The following UBE2E2 variants were observed in gnomAD, a reference collection of about 807,000 sequenced individuals.
UBE2E2 encodes ubiquitin conjugating enzyme E2 E2.
A neutral mutation model predicts 24.7 loss-of-function variants in UBE2E2; 6 were observed. That is an observed-to-expected ratio of 0.24 (90% CI 0.13 to 0.48). The LOEUF is 0.48. Among genes scored for constraint, UBE2E2 ranks in the 20% least tolerant of loss-of-function variants. The pLI, the probability that UBE2E2 is intolerant of heterozygous loss-of-function variation, is 0.99. For missense variants in UBE2E2, 169 were observed against 245.0 expected, an observed-to-expected ratio of 0.69 and a Z score of 2.07; for synonymous variants, 104 against 83.6, an observed-to-expected ratio of 1.24 and a Z score of -1.33.
intron 3 of UBE2E2, among the ~76,000 whole-genome samples, chr3:23,451,234 A>ATT (rs1269200067): frequency 6.6e-6 from 1 of 152,002 alleles, no homozygotes; most frequent in African/African-American, 2.4e-5. Context: ...CAAATAAATA[A>ATT]TTTTTTTTGA....
intron 3 of UBE2E2, among the ~76,000 whole-genome samples, chr3:23,399,738 C>T (rs1180827894): frequency 2.6e-5 from 4 of 152,108 alleles, no homozygotes; most frequent in Non-Finnish European, 4.4e-5. Context: ...TTTACAAAAT[C>T]GTATGGACAA....
chr3:23,283,123 G>A (rs772819970), intron 3 of UBE2E2, among the ~76,000 whole-genome samples: 1 of 152,150 alleles, frequency 6.6e-6, no homozygotes, highest in Admixed American at 6.5e-5. Flanking sequence ...CTAAGGAGAA[G>A]TTGATAAATG....
chr3:23,549,482 G>A (rs1397955300), intron 5 of UBE2E2, among the ~76,000 whole-genome samples: 1 of 152,156 alleles, frequency 6.6e-6, no homozygotes, highest in African/African-American at 2.4e-5. Context: ...GAGTTTTGAA[G>A]CTGTCAAGAA....
At chr3:23,413,752 T>A (rs914961260) in intron 3 of UBE2E2, among the ~76,000 whole-genome samples, 2 of 152,144 alleles carry the variant, frequency 1.3e-5, no homozygotes, top group Non-Finnish European at 2.9e-5. Context: ...CTCTAGGCCC[T>A]AATACACGGT....
At chr3:23,228,520 A>G (rs1034501472) in intron 3 of UBE2E2, among the ~76,000 whole-genome samples, 15 of 152,284 alleles carry the variant, frequency 9.9e-5, no homozygotes, top group African/African-American at 3.6e-4. Context: ...CATGTATCCA[A>G]ATTTCTTTAC....
intron 4 of UBE2E2, among the ~76,000 whole-genome samples, chr3:23,523,259 A>G (rs577752834): frequency 5.9e-5 from 9 of 152,338 alleles, no homozygotes; most frequent in Non-Finnish European, 7.4e-5. Context: ...AATTTGCTGT[A>G]TTGTAGGAAA....
intron 3 of UBE2E2, among the ~76,000 whole-genome samples, chr3:23,398,794 T>C (rs1352417859): frequency 1.3e-5 from 2 of 152,194 alleles, no homozygotes; most frequent in African/African-American, 4.8e-5. Flanking sequence ...TCTTATTTCT[T>C]TATAATGATC....
chr3:23,349,992 G>C (rs1006327300), intron 3 of UBE2E2, among the ~76,000 whole-genome samples: 15 of 152,186 alleles, frequency 9.9e-5, no homozygotes, highest in African/African-American at 3.6e-4. Flanking sequence ...CCCCCAGTAG[G>C]GGCACACTGA....
chr3:23,294,252 A>C (rs954258879), intron 3 of UBE2E2, among the ~76,000 whole-genome samples: 2 of 152,218 alleles, frequency 1.3e-5, no homozygotes, highest in South Asian at 2.1e-4. Flanking sequence ...ATAAAAAGCA[A>C]TTCTCACCTA....
At chr3:23,231,042 T>C (rs1662110978) in intron 3 of UBE2E2, among the ~76,000 whole-genome samples, 2 of 152,186 alleles carry the variant, frequency 1.3e-5, no homozygotes, top group African/African-American at 4.8e-5. Flanking sequence ...ATGAGAGCTC[T>C]ACCTTTAGAG....
intron 3 of UBE2E2, among the ~76,000 whole-genome samples, chr3:23,288,381 G>A (rs546073316): frequency 2.0e-5 from 3 of 152,270 alleles, no homozygotes; most frequent in East Asian, 3.9e-4. Flanking sequence ...AGAAAAATGT[G>A]TATTCTGCAG....
At chr3:23,441,487 C>T (rs953116610) in intron 3 of UBE2E2, among the ~76,000 whole-genome samples, 2 of 147,600 alleles carry the variant, frequency 1.4e-5, no homozygotes, top group East Asian at 2.0e-4. Flanking sequence ...TGCAGTGAGC[C>T]GAGATCGCGC....
At chr3:23,547,234 T>G (rs1695545781) in intron 5 of UBE2E2, among the ~76,000 whole-genome samples, 1 of 152,218 alleles carries the variant, frequency 6.6e-6, no homozygotes, top group Admixed American at 6.5e-5. Flanking sequence ...CATTTTTTTC[T>G]GTGTCTGTTG....
rs528577522 is a variant in UBE2E2 at position 23,411,963 on chromosome 3, A to G, written c.228-87645A>G. Among the ~76,000 whole-genome samples the G allele has an allele frequency of 3.3e-5, 5 of 152,308 alleles. No homozygotes were observed. In the South Asian group the frequency reaches 8.3e-4, roughly 25 times the overall value. On this transcript the variant is annotated intron_variant, in intron 3 of 5. Coordinates refer to ENST00000396703, the MANE Select transcript of UBE2E2 (RefSeq NM_152653.4). ...ACGAAATCACAGTTGCTTGTCTACA[A>G]TGTATATAAGTGTAGAGAGAAGTAG...
intron 5 of UBE2E2, among the ~76,000 whole-genome samples, chr3:23,567,035 A>G (rs1490870169): frequency 1.3e-5 from 2 of 152,198 alleles, no homozygotes; most frequent in Admixed American, 6.5e-5. Context: ...TTTCCAGACC[A>G]GTCTTAGTGA....
intron 3 of UBE2E2, among the ~76,000 whole-genome samples, chr3:23,418,208 T>A (rs1437899413): frequency 6.6e-6 from 1 of 152,214 alleles, no homozygotes; most frequent in Admixed American, 6.5e-5. Flanking sequence ...GGGAATCTCC[T>A]GGTCTGCAGG....
intron 5 of UBE2E2, among the ~76,000 whole-genome samples, chr3:23,566,918 GA>G (rs1696087884): frequency 6.6e-6 from 1 of 152,164 alleles, no homozygotes; most frequent in South Asian, 2.1e-4. Flanking sequence ...AGATATCTGG[GA>G]ATTAGAATCC....
chr3:23,492,894 G>A (rs1300665178), intron 3 of UBE2E2, among the ~76,000 whole-genome samples: 1 of 151,780 alleles, frequency 6.6e-6, no homozygotes, highest in Non-Finnish European at 1.5e-5. Flanking sequence ...AGAAATAGGT[G>A]AATTTTATTT....
intron 3 of UBE2E2, among the ~76,000 whole-genome samples, chr3:23,257,757 C>CT (rs1257387050): frequency 1.3e-5 from 2 of 151,756 alleles, no homozygotes; most frequent in African/African-American, 2.4e-5. Flanking sequence ...CTCTCTCTCT[C>CT]TTAATTTGGA....
Sources: allele counts gnomAD v4.1 joint callset (sites outside exome capture counted in the v4.1 genomes callset), GRCh38; gene constraint gnomAD v4.1.1; transcripts MANE v1.5; gene names NCBI Gene and HGNC (gene_info 2026-07-23, HGNC 2026-07-21).